SMG6: variants seen among roughly 807,000 people sequenced by gnomAD.
The protein encoded by SMG6 is telomerase-binding protein EST1A.
SMG6 carries 66 observed loss-of-function variants against 142.2 expected under a neutral mutation model. That is an observed-to-expected ratio of 0.46 (90% CI 0.38 to 0.57). The LOEUF is 0.57. Ranked by LOEUF, SMG6 falls within the 20% of genes least tolerant of loss-of-function variation. The pLI, the probability that SMG6 is intolerant of heterozygous loss-of-function variation, is 0.00. For missense variants in SMG6, 1,793 were observed against 1,832.0 expected, an observed-to-expected ratio of 0.98 and a Z score of 0.39; for synonymous variants, 779 against 702.4, an observed-to-expected ratio of 1.11 and a Z score of -1.72.
intron 10 of SMG6, among the ~76,000 whole-genome samples, chr17:2,228,074 CTTTT>C (rs1299168773): frequency 6.6e-6 from 1 of 152,078 alleles, no homozygotes; most frequent in Non-Finnish European, 1.5e-5. Context: ...TTTATTTTGA[CTTTT>C]TTTGAGACAA....
At chr17:2,102,045 G>T (rs865826808) in intron 13 of SMG6, among the ~76,000 whole-genome samples, 1 of 152,158 alleles carries the variant, frequency 6.6e-6, no homozygotes. Flanking sequence ...TCCTGGGTGG[G>T]TGACACGCCA....
At chr17:2,070,557 T>A (rs2151397753) in intron 15 of SMG6, among the ~76,000 whole-genome samples, 1 of 151,552 alleles carries the variant, frequency 6.6e-6, no homozygotes, top group Middle Eastern at 3.4e-3. Flanking sequence ...GCTGCTCAGG[T>A]TTCACTGACA....
At chr17:2,288,494 C>T (rs144709875) in intron 6 of SMG6, among the ~76,000 whole-genome samples, 3 of 144,558 alleles carry the variant, frequency 2.1e-5, no homozygotes, top group African/African-American at 5.1e-5. Context: ...GGGTGGCATG[C>T]GCCTGTGGTC....
chr17:2,127,723 A>G (rs1597433721), intron 13 of SMG6: 2 of 564,514 alleles, frequency 3.5e-6, no homozygotes, highest in East Asian at 9.4e-5. Context: ...CACTTCATCC[A>G]TTACTTGTTT....
At chr17:2,231,748 C>T (rs111445625) in intron 10 of SMG6, among the ~76,000 whole-genome samples, 2,308 of 138,650 alleles carry the variant, frequency 0.017, 45 homozygotes, top group South Asian at 0.053. Context: ...AAAGGAATGC[C>T]AGTCAGGCTC....
chr17:2,216,125 C>CT (rs1170300018), intron 10 of SMG6: 3 of 152,104 alleles, frequency 2.0e-5, no homozygotes, highest in African/African-American at 7.2e-5. Flanking sequence ...ATTTCTGCCT[C>CT]TTCCCAGTAG....
Position 2,079,324 on chromosome 17 carries a change from C to T in SMG6, c.3681+2486G>A, listed in dbSNP as rs368320693. Among the ~76,000 whole-genome samples the T allele has an allele frequency of 1.9e-4, 29 of 152,112 alleles. 1 individual carries two copies. Among genetic ancestry groups the T allele is most frequent in the Admixed American group, 7.9e-4 (12 of 15,274 alleles). On this transcript the variant is annotated intron_variant, in intron 15 of 18. Transcript: ENST00000263073. The stretch of plus-strand genomic sequence containing the variant: ...TGCTGGGTTGAGAGTCAAGAAATAA[C>T]GGTAGAAACAGAATTTCTGGGAAAA...
At chr17:2,302,239 T>G (rs139450574) in intron 1 of SMG6, among the ~76,000 whole-genome samples, 13 of 121,446 alleles carry the variant, frequency 1.1e-4, no homozygotes, top group African/African-American at 4.2e-4. Flanking sequence ...GAAGACAGAG[T>G]GAGACCCTGC....
chr17:2,282,728 G>A lies in SMG6; in HGVS notation c.2580C>T (p.Ser860=), dbSNP rs2074816485. 1 of 1,614,118 alleles carries A rather than the reference G, an allele frequency of 6.2e-7. No individual in the cohort carries two copies. The highest frequency in any genetic ancestry group is 1.7e-5 in the Admixed American group (1 of 60,020). The change falls in exon 8 of 19, where the codon TCC becomes TCT. Residue 860 remains serine, a synonymous_variant. Coordinates refer to ENST00000263073, the MANE Select transcript of SMG6 (RefSeq NM_017575.5). ...TTRLEIWIHP[S]HPRSSQGTES... ...CAGTGCCCTGGGAAGACCGTGGATG[G>A]GATGGATGAATCCAGATCTCCAGGC... is the stretch of plus-strand genomic sequence containing the variant.
intron 8 of SMG6, among the ~76,000 whole-genome samples, chr17:2,264,488 A>T (rs2074380233): frequency 1.3e-5 from 2 of 152,230 alleles, no homozygotes; most frequent in Non-Finnish European, 2.9e-5. Context: ...TGGCTACTCC[A>T]TCTCTCACAT....
chr17:2,080,927 G>A (rs1368866220), intron 15 of SMG6, among the ~76,000 whole-genome samples: 4 of 152,170 alleles, frequency 2.6e-5, no homozygotes, highest in Admixed American at 1.3e-4. Flanking sequence ...GAGCCACCGC[G>A]CCCGGCCAGC....
intron 8 of SMG6, chr17:2,265,909 A>G: frequency 1.2e-6 from 1 of 804,672 alleles, no homozygotes; most frequent in Non-Finnish European, 1.5e-6. Flanking sequence ...ATGAAATATG[A>G]ACTTCAGAAC....
intron 10 of SMG6, among the ~76,000 whole-genome samples, chr17:2,200,211 G>A (rs1056585779): frequency 1.3e-5 from 2 of 152,010 alleles, no homozygotes; most frequent in South Asian, 4.2e-4. Flanking sequence ...GTGAGCCACC[G>A]TGCCTGGACA....
chr17:2,300,360 A>C lies in SMG6; in HGVS notation c.393T>G (p.Ser131Arg). The part of the protein sequence containing the change: ...FPRTAGQEDR[S>R]LKIIKRTKKP... ...TCTTTGTTCTTTTGATAATTTTTAG[A>C]CTACGATCCTCTTGTCCAGCAGTCC... Residue 131 changes from serine (S) to arginine (R), a missense_variant, in exon 2 of 19, where the codon AGT (serine) becomes AGG (arginine). Physicochemically the swap from Ser to Arg is moderately radical, Grantham distance 110. Transcript: ENST00000263073. The C allele has an allele frequency of 6.2e-7, 1 of 1,613,794 alleles. No homozygotes were observed. Among genetic ancestry groups the C allele is most frequent in the Non-Finnish European group, 8.5e-7 (1 of 1,180,016 alleles).
Position 2,068,786 on chromosome 17 carries a change from G to T in SMG6, c.3827C>A (p.Pro1276His). ...CTTCCCGCCTGACTCACCGATGAGG[G>T]GCACCACCAGGATGTACTTCCTGCT... ...LESRKYILVV[P>H]LIVINELDGL... Residue 1276 changes from proline to histidine, a missense_variant, in exon 16 of 19, where the codon CCC (proline) becomes CAC (histidine). This residue lies in a region of SMG6 where 179 missense variants were observed against 212.6 expected (regional missense o/e 0.84). Coordinates refer to ENST00000263073, the MANE Select transcript of SMG6 (RefSeq NM_017575.5). This position sits in a 1 kb window ranked among gnomAD's most constrained non-coding sequence, Gnocchi z 6.7. 6.2e-7 allele frequency: 1 copy of T among 1,614,040 alleles called. No homozygotes were observed.
Position 2,211,683 on chromosome 17 carries a change from A to AAG in SMG6, c.2870-23169_2870-23168insCT, listed in dbSNP as rs1555555718. Among the ~76,000 whole-genome samples, 58 of 144,520 alleles carry AAG rather than the reference A, an allele frequency of 4.0e-4. No individual in the cohort carries two copies. The South Asian group carries it at 0.011, about 28-fold the overall frequency. The allele number at this position is 144,520 out of a possible 152,430, so 94.8% of individuals were successfully genotyped here. ...CATCTAATTAAAAAAAAAAAAAAAAAGGGCGTTCTTTGACCTTCAGTCTTG... is the reference window on the plus strand; with the variant it reads ...CATCTAATTAAAAAAAAAAAAAAAAAAGGGGCGTTCTTTGACCTTCAGTCTTG... On this transcript the variant is annotated intron_variant, in intron 10 of 18. Transcript: ENST00000263073.
At chr17:2,096,035 C>T (rs2068846822) in intron 13 of SMG6, among the ~76,000 whole-genome samples, 2 of 152,114 alleles carry the variant, frequency 1.3e-5, no homozygotes, top group Non-Finnish European at 1.5e-5. Flanking sequence ...ATTCCCTCAT[C>T]GTCTTTTAAG....
intron 13 of SMG6, among the ~76,000 whole-genome samples, chr17:2,132,792 A>T (rs2070165306): frequency 6.6e-6 from 1 of 152,180 alleles, no homozygotes; most frequent in Non-Finnish European, 1.5e-5. Context: ...CATTAAATAT[A>T]CTGCCTTTTG....
At chr17:2,303,025 G>A in intron 1 of SMG6, 1 of 985,436 alleles carries the variant, frequency 1.0e-6, no homozygotes, top group Non-Finnish European at 1.2e-6. Context: ...TTCCTGACGT[G>A]GCTGGAGACT....
Sources: allele counts gnomAD v4.1 joint callset (sites outside exome capture counted in the v4.1 genomes callset), GRCh38; gene constraint gnomAD v4.1.1; regional missense constraint gnomAD v4.1.1; non-coding constraint Gnocchi (gnomAD v3.1); transcripts MANE v1.5; gene names NCBI Gene and HGNC (gene_info 2026-07-23, HGNC 2026-07-21).